Variants in LARP1 observed in about 807,000 individuals in gnomAD.
LARP1 encodes La ribonucleoprotein 1, translational regulator, also known as la-related protein 1.
A neutral mutation model predicts 122.7 loss-of-function variants in LARP1; 36 were observed. The observed-to-expected ratio is 0.29, with a 90% CI of 0.22 to 0.39. The LOEUF (loss-of-function observed/expected upper bound fraction) is 0.39. LARP1 is among the 10% of genes least tolerant of loss of function. The pLI, the probability that LARP1 is intolerant of heterozygous loss-of-function variation, is 1.00. For synonymous variants in LARP1, 539 were observed against 528.7 expected, an observed-to-expected ratio of 1.02 and a Z score of -0.27; for missense variants, 1,040 against 1,403.6, an observed-to-expected ratio of 0.74 and a Z score of 4.14.
rs1460811603 is a variant in LARP1 at position 154,755,806 on chromosome 5, C to A, written c.49C>A (p.Gln17Lys). ...GCTGCCTGGGGGCGCCACGCTCTTG[C>A]AGGCCGAAGAGCACGGGGGGCTGGT... ...PLLPGGATLL[Q>K]AEEHGGLVRK... Residue 17 changes from glutamine (Q) to lysine (K), a missense_variant, in exon 1 of 19, where the codon CAG becomes AAG. Around this residue, in one of 8 missense-constraint regions of LARP1, gnomAD observed 257 missense variants for 273.3 expected, o/e 0.94. Transcript: ENST00000518297. 2 of 992,046 alleles carry A rather than the reference C, an allele frequency of 2.0e-6. No individual in the cohort carries two copies. Among genetic ancestry groups the A allele is most frequent in the Non-Finnish European group, 2.4e-6 (2 of 833,878 alleles). 61.5% of individuals were successfully genotyped at this position (992,046 alleles called of 1,614,324 possible). A position where few individuals can be genotyped will look rare whatever the true frequency, so the allele number is the denominator to read the frequency against.
At chr5:154,708,027 T>C (rs1278568218), upstream of LARP1, among the ~76,000 whole-genome samples, 5 of 152,330 alleles carry the variant, frequency 3.3e-5, no homozygotes, top group East Asian at 7.7e-4. Flanking sequence ...GCATGGACAA[T>C]GTCAAGTCAC....
At chr5:154,739,771 G>T (rs1225118471) in intron 1 of LARP1, among the ~76,000 whole-genome samples, 1 of 152,122 alleles carries the variant, frequency 6.6e-6, no homozygotes, top group Non-Finnish European at 1.5e-5. Flanking sequence ...TCTAAGACTC[G>T]GAAAGACAAA....
chr5:154,790,122 G>A (rs552724019), intron 1 of LARP1, among the ~76,000 whole-genome samples: 29 of 152,244 alleles, frequency 1.9e-4, no homozygotes, highest in African/African-American at 6.5e-4. Flanking sequence ...GCATGATCGC[G>A]CTTTCTGTGA....
chr5:154,805,147 G>C (rs938671641), intron 14 of LARP1: 8 of 334,066 alleles, frequency 2.4e-5, no homozygotes, highest in African/African-American at 1.7e-4. Context: ...GGGCCTACTT[G>C]GTGGGGAGAG....
At chr5:154,726,616 C>T (rs1019898885) in intron 1 of LARP1, among the ~76,000 whole-genome samples, 2 of 151,904 alleles carry the variant, frequency 1.3e-5, no homozygotes, top group African/African-American at 2.4e-5. Context: ...ATACAGCATC[C>T]GAAATTAAGA....
chr5:154,786,445 T>G lies in LARP1; in HGVS notation c.437-3880T>G, dbSNP rs185581113. On this transcript the variant is annotated intron_variant, in intron 1 of 18. Coordinates refer to ENST00000518297, the MANE Select transcript of LARP1 (RefSeq NM_033551.3). Reference sequence around the variant, plus strand: ...GTACTGGCTCCTGGCTATGGTCCTCTGGGACAGAAGGTGGTTTTCCTTCTC... The same window carrying G: ...GTACTGGCTCCTGGCTATGGTCCTCGGGGACAGAAGGTGGTTTTCCTTCTC... 1.8e-5 allele frequency: 8 copies of G among 456,054 alleles called. No individual in the cohort carries two copies. In the Admixed American group the frequency reaches 1.9e-4, roughly 11 times the overall value. 28.3% of individuals were successfully genotyped at this position (456,054 alleles called of 1,614,324 possible). A position where few individuals can be genotyped will look rare whatever the true frequency, so the allele number is the denominator to read the frequency against.
intron 1 of LARP1, among the ~76,000 whole-genome samples, chr5:154,727,904 C>T (rs1306696386): frequency 6.6e-6 from 1 of 152,066 alleles, no homozygotes; most frequent in Admixed American, 6.6e-5. Context: ...CCTGTCTCTA[C>T]TAATAATAGA....
chr5:154,697,609 A>G (rs1436145323), intron 1 of LARP1, among the ~76,000 whole-genome samples: 4 of 152,226 alleles, frequency 2.6e-5, no homozygotes, highest in South Asian at 2.1e-4. Flanking sequence ...GATATATGCT[A>G]TAACGTCGAT....
chr5:154,753,354 G>A (rs1753604485), upstream of LARP1, among the ~76,000 whole-genome samples: 1 of 152,164 alleles, frequency 6.6e-6, no homozygotes, highest in African/African-American at 2.4e-5. Context: ...GCTGAGGTAG[G>A]AGGATGGCTT....
chr5:154,805,030 A>G, intron 14 of LARP1: 4 of 400,562 alleles, frequency 1.0e-5, no homozygotes, highest in South Asian at 5.4e-5. Flanking sequence ...CATATAGTCA[A>G]TTAGCACATG....
intron 1 of LARP1, among the ~76,000 whole-genome samples, chr5:154,699,436 C>G (rs890648037): frequency 6.6e-6 from 1 of 151,744 alleles, no homozygotes; most frequent in East Asian, 1.9e-4. Flanking sequence ...GAGAGGATGG[C>G]TTGAAGCCAG....
At chr5:154,764,624 G>A (rs77730813) in intron 1 of LARP1, among the ~76,000 whole-genome samples, 1 of 141,688 alleles carries the variant, frequency 7.1e-6, no homozygotes, top group African/African-American at 2.6e-5. Flanking sequence ...AAAAAAACTG[G>A]CTGGGCGTAG....
intron 1 of LARP1, among the ~76,000 whole-genome samples, chr5:154,703,806 A>G (rs1381712779): frequency 6.6e-6 from 1 of 152,044 alleles, no homozygotes; most frequent in Non-Finnish European, 1.5e-5. Flanking sequence ...TTTTTAGTAG[A>G]AATGGGGTTT....
At chr5:154,685,824 A>G (rs1266852503) in intron 1 of LARP1, 1 of 374,678 alleles carries the variant, frequency 2.7e-6, no homozygotes, top group South Asian at 1.5e-5. Flanking sequence ...TTTTTTTTTA[A>G]ATTTTAGAGA....
intron 1 of LARP1, among the ~76,000 whole-genome samples, chr5:154,775,370 A>T (rs904855785): frequency 3.3e-5 from 5 of 151,972 alleles, no homozygotes; most frequent in Admixed American, 6.6e-5. Context: ...GCAAGCACCT[A>T]TAGTCCCAGC....
intron 1 of LARP1, among the ~76,000 whole-genome samples, chr5:154,686,693 T>C (rs1460222338): frequency 1.3e-5 from 2 of 152,196 alleles, no homozygotes; most frequent in Non-Finnish European, 1.5e-5. Flanking sequence ...TCTTCACTCA[T>C]TACTGTCCCT....
chr5:154,714,014 G>C (rs1477330335), intron 1 of LARP1, among the ~76,000 whole-genome samples: 2 of 152,202 alleles, frequency 1.3e-5, no homozygotes, highest in Non-Finnish European at 2.9e-5. Flanking sequence ...CTGCAGTTCT[G>C]GTTCTGCACT....
Position 154,814,122 on chromosome 5 carries a change from G to C in LARP1, c.*26G>C, listed in dbSNP as rs201424219. ...AAAGCTCCTTAGCCCTGGGGCTTGA[G>C]GGGGGAAAGGGGTAGGGTGGGTAAG... On this transcript the variant is annotated 3_prime_UTR_variant, in exon 19 of 19. Coordinates refer to ENST00000518297, the MANE Select transcript of LARP1 (RefSeq NM_033551.3). 29 of 1,609,264 alleles carry C rather than the reference G, an allele frequency of 1.8e-5. No individual in the cohort carries two copies. Among genetic ancestry groups the C allele is most frequent in the South Asian group, 1.7e-4 (15 of 90,744 alleles).
intron 1 of LARP1, among the ~76,000 whole-genome samples, chr5:154,762,335 A>G (rs1310453178): frequency 1.3e-5 from 2 of 152,138 alleles, no homozygotes; most frequent in Admixed American, 1.3e-4. Flanking sequence ...CCAAAGCCAG[A>G]TATTGGTAAT....
Sources: allele counts gnomAD v4.1 joint callset (sites outside exome capture counted in the v4.1 genomes callset), GRCh38; gene constraint gnomAD v4.1.1; regional missense constraint gnomAD v4.1.1; transcripts MANE v1.5; gene names NCBI Gene and HGNC (gene_info 2026-07-23, HGNC 2026-07-21).